Variants in NRDC observed in about 807,000 individuals in gnomAD.
NRDC encodes the protein nardilysin.
In NRDC, 54 loss-of-function variants were observed where a neutral mutation model predicts 147.1. The ratio of observed to expected loss-of-function variants is 0.37; its 90% CI spans 0.29 to 0.46. The LOEUF (loss-of-function observed/expected upper bound fraction) is 0.46, where lower values mean the gene tolerates loss of function less well. NRDC is among the 20% of genes least tolerant of loss of function. The pLI is 1.00. For synonymous variants in NRDC, 440 were observed against 482.1 expected, an observed-to-expected ratio of 0.91 and a Z score of 1.14; for missense variants, 1,082 against 1,370.6, an observed-to-expected ratio of 0.79 and a Z score of 3.33.
At chr1:51,869,868 T>C (rs1683000590) in intron 1 of NRDC, among the ~76,000 whole-genome samples, 1 of 152,216 alleles carries the variant, frequency 6.6e-6, no homozygotes. Context: ...TCCATATTCA[T>C]TTTCTCTGAA....
rs1394156000 is a variant in NRDC at position 51,878,559 on chromosome 1, C to T, written c.57G>A (p.Glu19=). The stretch of plus-strand genomic sequence containing the variant: ...AGAGCGCCGCGAGCTCCCGCCCGGC[C>T]TCACACAACTTCCTCCGGGTGGCAC... ...AVCATRRKLC[E]AGRELAALWG... Residue 19 remains glutamate (E), a synonymous_variant, in exon 1 of 31, where the codon GAG becomes GAA. Transcript: ENST00000352171. 1 of 1,613,464 alleles carries T rather than the reference C, an allele frequency of 6.2e-7. No individual in the cohort carries two copies. Among genetic ancestry groups the T allele is most frequent in the East Asian group, 2.2e-5 (1 of 44,870 alleles).
intron 10 of NRDC, among the ~76,000 whole-genome samples, chr1:51,817,032 T>G (rs1680001612): frequency 6.6e-6 from 1 of 152,220 alleles, no homozygotes; most frequent in Admixed American, 6.5e-5. Flanking sequence ...CCCCCTGGCC[T>G]CTACTGTAAT....
At chr1:51,872,847 C>T (rs1292314179) in intron 1 of NRDC, among the ~76,000 whole-genome samples, 1 of 151,248 alleles carries the variant, frequency 6.6e-6, no homozygotes, top group African/African-American at 2.4e-5. Flanking sequence ...GTTTGAATCT[C>T]GTGAAGTAAT....
chr1:51,854,041 G>C (rs977176904), intron 1 of NRDC, among the ~76,000 whole-genome samples: 1 of 152,184 alleles, frequency 6.6e-6, no homozygotes, highest in Admixed American at 6.5e-5. Flanking sequence ...TGCCATGCCT[G>C]GGACTCATGG....
chr1:51,861,619 T>C (rs1682548670), intron 1 of NRDC, among the ~76,000 whole-genome samples: 2 of 152,110 alleles, frequency 1.3e-5, no homozygotes, highest in Non-Finnish European at 2.9e-5. Flanking sequence ...GTGCTAGGAT[T>C]ACAAGTGGTG....
intron 1 of NRDC, among the ~76,000 whole-genome samples, chr1:51,846,041 A>G (rs1681552947): frequency 6.6e-6 from 1 of 152,242 alleles, no homozygotes. Context: ...AAGTACACAA[A>G]TCAAATGGAA....
chr1:51,857,138 G>A (rs1682293753), intron 1 of NRDC, among the ~76,000 whole-genome samples: 1 of 152,156 alleles, frequency 6.6e-6, no homozygotes, highest in African/African-American at 2.4e-5. Context: ...CATATTTTAA[G>A]TTTGGCCTAA....
chr1:51,805,774 G>A (rs1679434725), intron 18 of NRDC, among the ~76,000 whole-genome samples: 2 of 152,082 alleles, frequency 1.3e-5, no homozygotes, highest in Non-Finnish European at 2.9e-5. Context: ...TCTATGGGAA[G>A]ACCAGACATA....
At chr1:51,847,934 T>C (rs902531454) in intron 1 of NRDC, among the ~76,000 whole-genome samples, 5 of 152,258 alleles carry the variant, frequency 3.3e-5, no homozygotes, top group African/African-American at 1.2e-4. Flanking sequence ...ACCTCTCATT[T>C]TGTAATAAAA....
chr1:51,866,869 G>A (rs545904827), intron 1 of NRDC, among the ~76,000 whole-genome samples: 1 of 152,234 alleles, frequency 6.6e-6, no homozygotes, highest in East Asian at 1.9e-4. Flanking sequence ...GGTTAACACT[G>A]AAAAAAGAAG....
intron 10 of NRDC, among the ~76,000 whole-genome samples, chr1:51,817,714 T>C (rs1022784763): frequency 9.9e-5 from 15 of 152,212 alleles, no homozygotes; most frequent in Non-Finnish European, 2.2e-4. Flanking sequence ...GGCTAGTTTT[T>C]TGATATTTTT....
intron 4 of NRDC, among the ~76,000 whole-genome samples, chr1:51,829,222 C>G (rs1474650230): frequency 6.6e-6 from 1 of 152,144 alleles, no homozygotes; most frequent in Non-Finnish European, 1.5e-5. Context: ...TACCATCATG[C>G]CCTGCTAATT....
chr1:51,839,482 C>G (rs538523675), intron 2 of NRDC, among the ~76,000 whole-genome samples: 1 of 152,250 alleles, frequency 6.6e-6, no homozygotes, highest in South Asian at 2.1e-4. Flanking sequence ...CTAGCTTTAA[C>G]TAACTTTTGC....
intron 21 of NRDC, chr1:51,799,239 A>C (rs1557899352): frequency 6.6e-6 from 1 of 152,152 alleles, no homozygotes; most frequent in Non-Finnish European, 1.5e-5. Flanking sequence ...GTACATGTGC[A>C]CAATGTGCAG....
intron 4 of NRDC, among the ~76,000 whole-genome samples, chr1:51,832,189 C>T (rs978109038): frequency 1.1e-4 from 17 of 151,756 alleles, no homozygotes; most frequent in South Asian, 2.1e-4. Context: ...TGAAATTACA[C>T]GCACATGCTA....
intron 1 of NRDC, among the ~76,000 whole-genome samples, chr1:51,851,916 A>G (rs1040441373): frequency 2.0e-5 from 3 of 152,166 alleles, no homozygotes; most frequent in Non-Finnish European, 4.4e-5. Context: ...CAAGGAACAC[A>G]TCATTTTTTG....
intron 10 of NRDC, among the ~76,000 whole-genome samples, chr1:51,817,439 AAC>A (rs1680023202): frequency 6.6e-6 from 1 of 152,224 alleles, no homozygotes; most frequent in Non-Finnish European, 1.5e-5. Context: ...CATATAAGAT[AAC>A]TATACAGACA....
chr1:51,799,523 G>A (rs1293395582), intron 21 of NRDC, among the ~76,000 whole-genome samples: 1 of 152,104 alleles, frequency 6.6e-6, no homozygotes, highest in Admixed American at 6.6e-5. Context: ...GTTCATTACA[G>A]CTGTGTCAAA....
intron 1 of NRDC, among the ~76,000 whole-genome samples, chr1:51,849,837 A>G (rs1311565744): frequency 6.6e-6 from 1 of 151,338 alleles, no homozygotes; most frequent in Non-Finnish European, 1.5e-5. Flanking sequence ...AAAAGAAAGA[A>G]AAGGAAAGGA....
Sources: allele counts gnomAD v4.1 joint callset (sites outside exome capture counted in the v4.1 genomes callset), GRCh38; gene constraint gnomAD v4.1.1; transcripts MANE v1.5; gene names NCBI Gene and HGNC (gene_info 2026-07-23, HGNC 2026-07-21).